Variants in CLHC1 observed in about 807,000 individuals in gnomAD.
CLHC1 encodes the protein clathrin heavy chain linker domain-containing protein 1.
A neutral mutation model predicts 69.5 loss-of-function variants in CLHC1; 72 were observed. That is an observed-to-expected ratio of 1.04 (90% CI 0.86 to 1.26). The LOEUF (loss-of-function observed/expected upper bound fraction) is 1.26. Ranked by LOEUF, CLHC1 falls within the 50% of genes most tolerant of loss-of-function variation. The pLI, the probability that CLHC1 is intolerant of heterozygous loss-of-function variation, is 0.00. For synonymous variants in CLHC1, 223 were observed against 224.3 expected, an observed-to-expected ratio of 0.99 and a Z score of 0.05; for missense variants, 790 against 679.3, an observed-to-expected ratio of 1.16 and a Z score of -1.81.
At chr2:55,212,373 G>A (rs1351702414) in intron 5 of CLHC1, among the ~76,000 whole-genome samples, 3 of 152,190 alleles carry the variant, frequency 2.0e-5, no homozygotes, top group Non-Finnish European at 4.4e-5. Flanking sequence ...CTGATCTGAT[G>A]GGAATCAGGA....
At chr2:55,184,106 A>T (rs7426148) in intron 9 of CLHC1, among the ~76,000 whole-genome samples, 139,583 of 144,962 alleles carry the variant, frequency 0.96, 67,265 homozygotes, top group Admixed American at 0.98. Flanking sequence ...TTCTTTCTTT[A>T]TTTTTTTTTT....
chr2:55,211,920 C>CTTAATACACTA (rs1475569261), intron 5 of CLHC1, among the ~76,000 whole-genome samples: 3 of 152,196 alleles, frequency 2.0e-5, no homozygotes, highest in Non-Finnish European at 4.4e-5. Context: ...TCCACCAAAA[C>CTTAATACACTA]TTAATACACT....
At chr2:55,212,623 A>C (rs1317599860) in intron 5 of CLHC1, 50 bp downstream of exon 5, 2 of 1,449,980 alleles carry the variant, frequency 1.4e-6, no homozygotes, top group South Asian at 1.2e-5. Context: ...TTAGGTAAAA[A>C]TTGGAAATAA....
chr2:55,192,774 C>G (rs1034466439), intron 9 of CLHC1, among the ~76,000 whole-genome samples: 1 of 151,576 alleles, frequency 6.6e-6, no homozygotes. Flanking sequence ...TATCCTTAAG[C>G]AAAAGAATGA....
At chr2:55,176,058 A>G in intron 12 of CLHC1, 72 bp from the exon 13 acceptor site, 1 of 1,250,040 alleles carries the variant, frequency 8.0e-7, no homozygotes, top group Non-Finnish European at 1.1e-6. Flanking sequence ...TTCTTCAAAA[A>G]TAGAAAAGGA....
At chr2:55,211,267 C>T (rs1287433969) in intron 5 of CLHC1, among the ~76,000 whole-genome samples, 2 of 151,798 alleles carry the variant, frequency 1.3e-5, no homozygotes, top group African/African-American at 4.8e-5. Context: ...TTTGGGAGGC[C>T]GAGATGGGCA....
intron 11 of CLHC1, among the ~76,000 whole-genome samples, chr2:55,179,207 T>C (rs1012110535): frequency 6.6e-6 from 1 of 152,078 alleles, no homozygotes; most frequent in African/African-American, 2.4e-5. Flanking sequence ...ACTTAGGTAA[T>C]GGAATATTAA....
chr2:55,225,821 G>A (rs1435721222), intron 2 of CLHC1: 1 of 152,262 alleles, frequency 6.6e-6, no homozygotes, highest in Admixed American at 6.6e-5. Context: ...TGTCTGCTTA[G>A]ATTTCTGAGA....
chr2:55,192,492 T>C lies in CLHC1; in HGVS notation c.1007-10748A>G, dbSNP rs60101100. Among the ~76,000 whole-genome samples, 298 of 152,222 alleles carry C rather than the reference T, an allele frequency of 2.0e-3. 12 individuals are homozygous for C. The East Asian group carries it at 0.048, about 25-fold the overall frequency. On this transcript the variant is annotated intron_variant, in intron 9 of 12. Coordinates refer to ENST00000401408, the MANE Select transcript of CLHC1 (RefSeq NM_152385.4). ...CTGATCTTATATATGAAGACACTAA[T>C]AGATTAAAAGTTAGAGGACTGAAGA...
intron 5 of CLHC1, among the ~76,000 whole-genome samples, 174 bp from the exon 6 acceptor site, chr2:55,210,005 C>G (rs1558496016): frequency 6.6e-6 from 1 of 151,962 alleles, no homozygotes; most frequent in Non-Finnish European, 1.5e-5. Flanking sequence ...GAATGGCTAG[C>G]AGGTTATTTA....
chr2:55,180,061 G>A (rs1296749369), intron 11 of CLHC1, among the ~76,000 whole-genome samples: 1 of 152,008 alleles, frequency 6.6e-6, no homozygotes, highest in Non-Finnish European at 1.5e-5. Context: ...GGCTGAGGCA[G>A]GAGAATGGTG....
chr2:55,204,075 A>G (rs185983980), intron 9 of CLHC1, among the ~76,000 whole-genome samples: 7 of 152,336 alleles, frequency 4.6e-5, no homozygotes, highest in African/African-American at 7.2e-5. Flanking sequence ...ACCTAAGGTC[A>G]GGAGTTAGAG....
chr2:55,209,668 T>C lies in CLHC1; in HGVS notation c.663A>G (p.Arg221=). 1 of 1,614,138 alleles carries C rather than the reference T, an allele frequency of 6.2e-7. No homozygotes were observed. Among genetic ancestry groups the C allele is most frequent in the Non-Finnish European group, 8.5e-7 (1 of 1,180,018 alleles). The change falls in exon 6 of 13, where the codon CGA becomes CGG. Residue 221 remains arginine, a synonymous_variant. Coordinates refer to ENST00000401408, the MANE Select transcript of CLHC1 (RefSeq NM_152385.4). The stretch of plus-strand genomic sequence containing the variant: ...TTTTGTTCAGATTTTCAGCTACATC[T>C]CGCCGTTTTAATAACACAATCATTT... The part of the protein sequence containing the change: ...DEEMIVLLKR[R]DVAENLNKKL...
intron 9 of CLHC1, among the ~76,000 whole-genome samples, chr2:55,186,095 C>T (rs757689404): frequency 1.3e-5 from 2 of 152,104 alleles, no homozygotes; most frequent in Non-Finnish European, 2.9e-5. Context: ...CTATATCTTT[C>T]CCTCTCCTTA....
intron 2 of CLHC1, among the ~76,000 whole-genome samples, chr2:55,223,444 G>C (rs942914100): frequency 6.6e-6 from 1 of 152,108 alleles, no homozygotes; most frequent in Non-Finnish European, 1.5e-5. Context: ...GGGCGAGCGC[G>C]CTGTGGGCCG....
Position 55,172,628 on chromosome 2 carries a change from C to T in CLHC1, c.*3162G>A, listed in dbSNP as rs1669049411. Among the ~76,000 whole-genome samples the T allele has an allele frequency of 6.7e-6, 1 of 149,990 alleles. No individual in the cohort carries two copies. Among genetic ancestry groups the T allele is most frequent in the African/African-American group, 2.5e-5 (1 of 40,764 alleles). The stretch of plus-strand genomic sequence containing the variant: ...CAAACTGACAGCTTTATACACCGAA[C>T]ATTTGTTAAATGCCATTTTTTTCTG... On this transcript the variant is annotated 3_prime_UTR_variant, in exon 13 of 13. Coordinates refer to ENST00000401408, the MANE Select transcript of CLHC1 (RefSeq NM_152385.4).
chr2:55,217,314 G>A (rs1222966903), intron 4 of CLHC1, among the ~76,000 whole-genome samples: 1 of 150,800 alleles, frequency 6.6e-6, no homozygotes, highest in African/African-American at 2.4e-5. Context: ...TCAGCAATTC[G>A]AGACCAGCCT....
intron 9 of CLHC1, among the ~76,000 whole-genome samples, chr2:55,186,728 T>C (rs891814211): frequency 2.6e-5 from 4 of 152,074 alleles, no homozygotes; most frequent in African/African-American, 7.2e-5. Context: ...TGAGCTGTGG[T>C]CACACCACTG....
intron 12 of CLHC1, among the ~76,000 whole-genome samples, chr2:55,176,906 T>C (rs1669440485): frequency 6.6e-6 from 1 of 152,142 alleles, no homozygotes; most frequent in African/African-American, 2.4e-5. Context: ...TTTGAGGCAG[T>C]GTCTCACCCA....
Sources: gnomAD v4.1 joint callset for allele counts (sites outside exome capture counted in the v4.1 genomes callset) on GRCh38, gnomAD v4.1.1 for gene constraint, MANE v1.5 for transcripts, NCBI Gene and HGNC (gene_info 2026-07-23, HGNC 2026-07-21) for gene names.